R3HDM1: variants seen among roughly 807,000 people sequenced by gnomAD.
R3HDM1 encodes the protein R3H domain containing 1.
In R3HDM1, 46 loss-of-function variants were observed where a neutral mutation model predicts 141.1. The observed-to-expected ratio is 0.33, with a 90% CI of 0.26 to 0.42. The LOEUF (loss-of-function observed/expected upper bound fraction) is 0.42, where lower values mean the gene tolerates loss of function less well. Among genes scored for constraint, R3HDM1 ranks in the 10% least tolerant of loss-of-function variants. R3HDM1 has a pLI of 1.00. For synonymous variants in R3HDM1, 435 were observed against 472.9 expected (o/e 0.92, Z 1.04); for missense variants, 1,184 against 1,368.3 (o/e 0.87, Z 2.12).
chr2:135,531,587 C>G lies in R3HDM1; in HGVS notation c.-296C>G. The G allele has an allele frequency of 1.0e-6, 1 of 986,776 alleles. No homozygotes were observed. Among genetic ancestry groups the G allele is most frequent in the Non-Finnish European group, 1.2e-6 (1 of 830,652 alleles). The allele number at this position is 986,776 out of a possible 1,614,324, so 61.1% of individuals were successfully genotyped here. On this transcript the variant is annotated 5_prime_UTR_variant, in exon 1 of 27. Coordinates refer to ENST00000683871, the MANE Select transcript of R3HDM1 (RefSeq NM_001378107.1). ...TTGCACCCACCCAGCCCCGCCGTCG[C>G]CCCGCCGCGCCGCGCTCCAACCGCC...
chr2:135,722,154 T>C, intron 25 of R3HDM1, 148 bp downstream of exon 25: 1 of 767,234 alleles, frequency 1.3e-6, no homozygotes, highest in South Asian at 1.7e-5. Context: ...TATCACTGGC[T>C]CCATCAGGAG....
chr2:135,709,619 G>A (rs748790755), intron 22 of R3HDM1, 83 bp downstream of exon 22: 3 of 1,519,108 alleles, frequency 2.0e-6, no homozygotes, highest in Middle Eastern at 3.4e-4. Flanking sequence ...TCTACAAAAA[G>A]CTTCTCAATT....
At chr2:135,590,439 T>G (rs1708999290) in intron 1 of R3HDM1, 1 of 572,924 alleles carries the variant, frequency 1.7e-6, no homozygotes, top group African/African-American at 2.0e-5. Context: ...CCCCTTGAGC[T>G]CCAATGAGAC....
chr2:135,555,762 A>G (rs987046494), intron 1 of R3HDM1, among the ~76,000 whole-genome samples: 3 of 152,226 alleles, frequency 2.0e-5, no homozygotes, highest in African/African-American at 7.2e-5. Context: ...CGAGTGGCTC[A>G]TATCTGTAAT....
chr2:135,680,291 G>C lies in R3HDM1; in HGVS notation c.2426G>C (p.Ser809Thr), dbSNP rs1200304218. ...MPTTGMPVYY[S>T]VIPPGQQNNL... ...ACAACAGGAATGCCTGTTTACTATA[G>C]TGTCATTCCACCTGGTCAACAAAAC... The change falls in exon 21 of 27, where the codon AGT (serine) becomes ACT (threonine). Residue 809 changes from serine (S) to threonine (T), a missense_variant. Around this residue, in one of 5 missense-constraint regions of R3HDM1, gnomAD observed 563 missense variants for 562.0 expected, o/e 1.00. Transcript: ENST00000683871. The C allele has an allele frequency of 1.9e-6, 3 of 1,613,952 alleles. No individual in the cohort carries two copies. The highest frequency in any genetic ancestry group is 1.7e-6 in the Non-Finnish European group (2 of 1,179,928).
intron 21 of R3HDM1, among the ~76,000 whole-genome samples, chr2:135,680,598 C>T (rs1195966492): frequency 6.6e-6 from 1 of 152,188 alleles, no homozygotes; most frequent in African/African-American, 2.4e-5. Context: ...GGTGAAACCC[C>T]GTCTCTACTA....
At chr2:135,599,012 G>A (rs1350407149) in intron 1 of R3HDM1, among the ~76,000 whole-genome samples, 1 of 151,878 alleles carries the variant, frequency 6.6e-6, no homozygotes, top group African/African-American at 2.4e-5. Flanking sequence ...TCTAGATTTT[G>A]GTGTCACACT....
intron 5 of R3HDM1, among the ~76,000 whole-genome samples, chr2:135,617,497 T>C (rs1014197794): frequency 6.6e-5 from 10 of 152,160 alleles, no homozygotes; most frequent in Non-Finnish European, 1.3e-4. Context: ...CCTGAATGCA[T>C]GGTGAAACCA....
rs1359983253 is a variant in R3HDM1, at chr2:135,638,990, A to G, written c.1087A>G (p.Thr363Ala). The change falls in exon 14 of 27, where the codon ACA becomes GCA. Residue 363 changes from threonine to alanine, a missense_variant. By Grantham distance (58) the Thr-to-Ala change is moderately conservative (BLOSUM62 0). Around this residue, in one of 5 missense-constraint regions of R3HDM1, gnomAD observed 240 missense variants for 312.3 expected, o/e 0.77. Transcript: ENST00000683871. ...KYSEPRPWSS[T>A]DSDSSLRNLK... ...CTCGGAACCACGACCCTGGAGCAGC[A>G]CAGATTCAGACAGCTCTCTTCGAAA... 3 of 1,614,206 alleles carry G rather than the reference A, an allele frequency of 1.9e-6. No individual in the cohort carries two copies. The East Asian group carries it at 6.7e-5, about 36-fold the overall frequency.
intron 3 of R3HDM1, chr2:135,607,886 A>G (rs1029037787): frequency 1.0e-6 from 1 of 982,674 alleles, no homozygotes; most frequent in Non-Finnish European, 1.2e-6. Context: ...AAACATGGGT[A>G]TGGTCTTTGA....
chr2:135,616,308 C>A, intron 4 of R3HDM1, 115 bp downstream of exon 4: 1 of 1,070,354 alleles, frequency 9.3e-7, no homozygotes, highest in South Asian at 1.8e-5. Context: ...TTATGGGGGG[C>A]AGAAAGCTTA....
At position 135,667,229 on chromosome 2, in the gene R3HDM1, T is replaced by G. The variant is rs566954287; in HGVS notation, c.2152+5836T>G. ...TCTTGGTTAAAGTGAGAGTTAAAAA[T>G]AGAACATTCTGTGGAGCCCTCCAGG... On this transcript the variant is annotated intron_variant, in intron 19 of 26. Transcript: ENST00000683871. The G allele has an allele frequency of 2.7e-5, 26 of 974,300 alleles. No homozygotes were observed. The East Asian group carries it at 2.7e-3, about 103-fold the overall frequency. 60.4% of individuals were successfully genotyped at this position (974,300 alleles called of 1,614,324 possible). A position where few individuals can be genotyped will look rare whatever the true frequency, so the allele number is the denominator to read the frequency against.
chr2:135,686,507 A>G (rs1394144308), intron 21 of R3HDM1, among the ~76,000 whole-genome samples: 1 of 152,234 alleles, frequency 6.6e-6, no homozygotes, highest in East Asian at 1.9e-4. Context: ...AGGCCAAGGC[A>G]TGAGGATGGC....
In R3HDM1 at chr2:135,699,024, TAGA is replaced by T. The variant is rs1559465490; in HGVS notation, c.2460-10408_2460-10406del. On this transcript the variant is annotated intron_variant, in intron 21 of 26. Transcript: ENST00000683871. Reference sequence around the variant, plus strand: ...ATAGATAGATAGATAGATAGATAGATAGATAGATAGATAGATAGATAAGATAGA... The same window carrying T: ...ATAGATAGATAGATAGATAGATAGATTAGATAGATAGATAGATAAGATAGA... Among the ~76,000 whole-genome samples the T allele has an allele frequency of 9.6e-4, 94 of 97,610 alleles. No individual in the cohort carries two copies. In the East Asian group the frequency reaches 0.013, roughly 14 times the overall value. 64.0% of individuals were successfully genotyped at this position (97,610 alleles called of 152,430 possible). A position where few individuals can be genotyped will look rare whatever the true frequency, so the allele number is the denominator to read the frequency against.
intron 23 of R3HDM1, among the ~76,000 whole-genome samples, chr2:135,710,574 A>G (rs562604123): frequency 1.1e-4 from 16 of 152,170 alleles, no homozygotes; most frequent in Admixed American, 6.5e-4. Context: ...GCCTGAACCC[A>G]GGTGAGTGGA....
At position 135,572,346 on chromosome 2, in the gene R3HDM1, A is replaced by G. The variant is rs537990840; in HGVS notation, c.-249-30154A>G. ...CTCAATAGTAAAGACACATAACCCA[A>G]TTTAAAAGGGGCAAATGATCTGAAT... On this transcript the variant is annotated intron_variant, in intron 1 of 26. Transcript: ENST00000683871. Among the ~76,000 whole-genome samples the G allele has an allele frequency of 2.0e-5, 3 of 152,336 alleles. No individual in the cohort carries two copies. The East Asian group carries it at 5.8e-4, about 29-fold the overall frequency.
chr2:135,649,982 A>G lies in R3HDM1; in HGVS notation c.1704A>G (p.Ser568=). ...APYPSPFLPV[S]PTQQYSVQDN... is the part of the protein sequence containing the mutation. The stretch of plus-strand genomic sequence containing the variant: ...ACCCATCCCCGTTCCTGCCAGTCTC[A>G]CCCACCCAGCAATACTCTGTGGTAC... Residue 568 remains serine (S), a synonymous_variant, in exon 17 of 27, where the codon TCA becomes TCG. Transcript: ENST00000683871. 8.5e-6 allele frequency: 11 copies of G among 1,293,958 alleles called. No individual in the cohort carries two copies. Among genetic ancestry groups the G allele is most frequent in the Non-Finnish European group, 1.1e-5 (11 of 983,942 alleles). 80.2% of individuals were successfully genotyped at this position (1,293,958 alleles called of 1,614,324 possible).
intron 1 of R3HDM1, among the ~76,000 whole-genome samples, chr2:135,547,591 G>A (rs1355003980): frequency 6.6e-6 from 1 of 151,324 alleles, no homozygotes; most frequent in African/African-American, 2.4e-5. Flanking sequence ...CCGCTCACAG[G>A]TCTCATTCCT....
intron 21 of R3HDM1, among the ~76,000 whole-genome samples, chr2:135,702,212 A>G (rs1389002880): frequency 1.5e-5 from 1 of 66,094 alleles, no homozygotes; most frequent in Non-Finnish European, 2.8e-5. Context: ...ACGTTGTCTC[A>G]GGGGGAAAAA....
Sources: gnomAD v4.1 joint callset for allele counts (sites outside exome capture counted in the v4.1 genomes callset) on GRCh38, gnomAD v4.1.1 for gene constraint, gnomAD v4.1.1 regional missense constraint, MANE v1.5 for transcripts, NCBI Gene and HGNC (gene_info 2026-07-23, HGNC 2026-07-21) for gene names.